The following NAA16 variants were observed in gnomAD, a reference collection of about 807,000 sequenced individuals.
NAA16 encodes NARG1-like protein.
Under a neutral mutation model 110.3 loss-of-function variants are expected in NAA16, and 97 were observed. That is an observed-to-expected ratio of 0.88 (90% CI 0.75 to 1.04). The LOEUF (loss-of-function observed/expected upper bound fraction) is 1.04, where lower values mean the gene tolerates loss of function less well. Among genes scored for constraint, NAA16 ranks in the 50% least tolerant of loss-of-function variants. The pLI, the probability that NAA16 is intolerant of heterozygous loss-of-function variation, is 0.00. For missense variants in NAA16, 1,017 were observed against 1,005.1 expected (o/e 1.01, Z -0.16); for synonymous variants, 372 against 330.6 (o/e 1.13, Z -1.36).
chr13:41,335,804 T>C (rs2042364724), intron 8 of NAA16, among the ~76,000 whole-genome samples: 2 of 151,806 alleles, frequency 1.3e-5, no homozygotes, highest in South Asian at 4.1e-4. Flanking sequence ...TAAGAAACCA[T>C]AGGAGGTCAT....
intron 12 of NAA16, among the ~76,000 whole-genome samples, chr13:41,360,678 A>G (rs533427053): frequency 7.7e-4 from 117 of 152,300 alleles, no homozygotes; most frequent in African/African-American, 2.7e-3. Context: ...ATATGTGGTG[A>G]ACAACATAAT....
chr13:41,328,657 G>T, intron 6 of NAA16, 67 bp from the exon 7 acceptor site: 1 of 1,331,492 alleles, frequency 7.5e-7, no homozygotes, highest in South Asian at 1.3e-5. Flanking sequence ...ATAATGTTTA[G>T]TGAAGTCCCT....
intron 12 of NAA16, 30 bp downstream of exon 12, chr13:41,358,992 T>C (rs1339548552): frequency 6.4e-6 from 10 of 1,552,876 alleles, no homozygotes; most frequent in Non-Finnish European, 8.8e-6. Flanking sequence ...AGCATGTAAT[T>C]GTCTAAATTA....
rs550442555 is a variant in NAA16, at chr13:41,372,938, A to G, written c.2155+108A>G. On this transcript the variant is annotated intron_variant, in intron 17 of 19. Transcript: ENST00000379406. ...ATATTTAATAACCCTCTCTTTGTGA[A>G]GTAAAAAGCCCTGATTTGTATTTTC... 16 of 1,221,728 alleles carry G rather than the reference A, an allele frequency of 1.3e-5. No individual in the cohort carries two copies. The South Asian group carries it at 3.7e-4, about 28-fold the overall frequency. 75.7% of individuals were successfully genotyped at this position (1,221,728 alleles called of 1,614,324 possible). A position where few individuals can be genotyped will look rare whatever the true frequency, so the allele number is the denominator to read the frequency against.
At position 41,320,853 on chromosome 13, in the gene NAA16, A is replaced by G. The variant is rs1018194366; in HGVS notation, c.402+29A>G. On this transcript the variant is annotated intron_variant, in intron 4 of 19. Coordinates refer to ENST00000379406, the MANE Select transcript of NAA16 (RefSeq NM_024561.5). ...AGTACTTCATTCTTAAATGTACATG[A>G]TTTTACAGTAGACAAAATTTAAGAG... 293 of 1,550,366 alleles carry G rather than the reference A, an allele frequency of 1.9e-4. 2 individuals carry two copies. The East Asian group carries it at 6.6e-3, about 35-fold the overall frequency.
At chr13:41,332,226 G>A (rs771321256) in intron 8 of NAA16, among the ~76,000 whole-genome samples, 4 of 151,932 alleles carry the variant, frequency 2.6e-5, no homozygotes, top group Non-Finnish European at 5.9e-5. Context: ...TGAGCTGTTT[G>A]CACCCACTAT....
chr13:41,334,384 A>G (rs2139424043), intron 8 of NAA16, among the ~76,000 whole-genome samples: 1 of 152,316 alleles, frequency 6.6e-6, no homozygotes, highest in South Asian at 2.1e-4. Flanking sequence ...TGAAGGGTAG[A>G]GAGAGGGAAG....
rs1351170985 is a variant in NAA16 at position 41,328,811 on chromosome 13, A to G, written c.779A>G (p.Tyr260Cys). The G allele has an allele frequency of 5.6e-6, 9 of 1,605,218 alleles. No homozygotes were observed. Among genetic ancestry groups the G allele is most frequent in the Non-Finnish European group, 7.7e-6 (9 of 1,172,622 alleles). Residue 260 changes from tyrosine to cysteine, a missense_variant, in exon 7 of 20, where the codon TAT (tyrosine) becomes TGT (cysteine). Transcript: ENST00000379406. ...LIDRNAENWC[Y>C]YEGLEKALQI... ...GATCGAAATGCAGAAAATTGGTGTTATTATGAAGGCTTGGAAAAAGCTCTA... is the reference window on the plus strand; with the variant it reads ...GATCGAAATGCAGAAAATTGGTGTTGTTATGAAGGCTTGGAAAAAGCTCTA...
chr13:41,313,379 C>G (rs915701789), intron 1 of NAA16, among the ~76,000 whole-genome samples: 1 of 152,118 alleles, frequency 6.6e-6, no homozygotes, highest in Non-Finnish European at 1.5e-5. Flanking sequence ...ATTTTTAAAT[C>G]TAGGTATGTA....
intron 9 of NAA16, among the ~76,000 whole-genome samples, chr13:41,347,848 TA>T (rs2042726507): frequency 6.6e-6 from 1 of 152,230 alleles, no homozygotes; most frequent in Non-Finnish European, 1.5e-5. Context: ...TTTTCTTGAC[TA>T]ATTGCCCTGG....
rs762382140 is a variant in NAA16, at chr13:41,311,484, G to GCACCTAGCCTCCCTGCCGGC, written c.-21_-2dup. ...CACCCCCGCGAAGCGGAGCGCCCGG[G>GCACCTAGCCTCCCTGCCGGC]CACCTAGCCTCCCTGCCGGCCACCT... On this transcript the variant is annotated 5_prime_UTR_variant, in exon 1 of 20. Coordinates refer to ENST00000379406, the MANE Select transcript of NAA16 (RefSeq NM_024561.5). 188 of 1,560,076 alleles carry GCACCTAGCCTCCCTGCCGGC rather than the reference G, an allele frequency of 1.2e-4. No individual in the cohort carries two copies. The highest frequency in any genetic ancestry group is 6.7e-4 in the Middle Eastern group (4 of 6,004).
intron 17 of NAA16, 158 bp downstream of exon 17, chr13:41,372,988 C>T: frequency 3.7e-6 from 3 of 805,138 alleles, no homozygotes; most frequent in Non-Finnish European, 4.5e-6. Flanking sequence ...CTGATCATGG[C>T]CCAAGCTGTC....
intron 13 of NAA16, chr13:41,362,793 T>C (rs1566295374): frequency 7.8e-7 from 1 of 1,289,804 alleles, no homozygotes; most frequent in Admixed American, 2.3e-5. Flanking sequence ...GAGGCAGTCC[T>C]CAGCAGCCCT....
intron 9 of NAA16, chr13:41,354,698 T>C (rs992232519): frequency 6.6e-6 from 1 of 152,610 alleles, no homozygotes; most frequent in African/African-American, 2.4e-5. Context: ...GTAAATTGGT[T>C]AAGAAACCCC....
At chr13:41,360,931 TGAA>T (rs2043099922) in intron 12 of NAA16, among the ~76,000 whole-genome samples, 1 of 152,144 alleles carries the variant, frequency 6.6e-6, no homozygotes, top group Admixed American at 6.5e-5. Context: ...ACAACCATAA[TGAA>T]GACAGAAAAT....
intron 1 of NAA16, 98 bp from the exon 2 acceptor site, chr13:41,316,748 T>C (rs2041821042): frequency 2.7e-6 from 2 of 752,180 alleles, no homozygotes; most frequent in Non-Finnish European, 4.6e-6. Context: ...ATTTTAGACC[T>C]AATTTTGGAT....
intron 9 of NAA16, among the ~76,000 whole-genome samples, chr13:41,349,871 G>T (rs1377107115): frequency 1.3e-5 from 2 of 151,364 alleles, no homozygotes; most frequent in Admixed American, 1.3e-4. Context: ...TGAGGCAGGA[G>T]AATCGCTTGA....
rs1339634976 is a variant in NAA16 at position 41,322,464 on chromosome 13, T to C, written c.403-592T>C. On this transcript the variant is annotated intron_variant, in intron 4 of 19. Coordinates refer to ENST00000379406, the MANE Select transcript of NAA16 (RefSeq NM_024561.5). Reference sequence around the variant, plus strand: ...TTAAAGATTAGAAAATCTTGGGATTTAGAGGATAGGTTGTGGGATGGGTGA... The same window carrying C: ...TTAAAGATTAGAAAATCTTGGGATTCAGAGGATAGGTTGTGGGATGGGTGA... Among the ~76,000 whole-genome samples, 3 of 152,014 alleles carry C rather than the reference T, an allele frequency of 2.0e-5. 1 individual carries two copies. Among genetic ancestry groups the C allele is most frequent in the South Asian group, 4.2e-4 (2 of 4,818 alleles).
At chr13:41,343,679 A>C (rs1593470978) in intron 9 of NAA16, among the ~76,000 whole-genome samples, 1 of 152,072 alleles carries the variant, frequency 6.6e-6, no homozygotes, top group Non-Finnish European at 1.5e-5. Context: ...ACAGGCGCAC[A>C]CCGCCACACC....
Sources: gnomAD v4.1 joint callset for allele counts (sites outside exome capture counted in the v4.1 genomes callset) on GRCh38, gnomAD v4.1.1 for gene constraint, MANE v1.5 for transcripts, NCBI Gene and HGNC (gene_info 2026-07-23, HGNC 2026-07-21) for gene names.